ACSL3: variants seen among roughly 807,000 people sequenced by gnomAD.
The protein encoded by ACSL3 is acyl-CoA synthetase long chain family member 3, also known as fatty acid CoA ligase Acsl3.
Under a neutral mutation model 84.7 loss-of-function variants are expected in ACSL3, and 34 were observed. That is an observed-to-expected ratio of 0.40 (90% CI 0.31 to 0.53). The LOEUF (loss-of-function observed/expected upper bound fraction) is 0.53, where lower values mean the gene tolerates loss of function less well. ACSL3 is among the 20% of genes least tolerant of loss of function. The probability of loss-of-function intolerance (pLI) is 0.48; values close to 1 mark genes in which losing one functional copy is unlikely to be tolerated. For missense variants in ACSL3, 680 were observed against 873.1 expected (o/e 0.78, Z 2.79); for synonymous variants, 315 against 299.4 (o/e 1.05, Z -0.54).
At chr2:222,861,356 G>A (rs1559270735) in intron 1 of ACSL3, 98 bp downstream of exon 1, 2 of 151,644 alleles carry the variant, frequency 1.3e-5, no homozygotes, top group Non-Finnish European at 2.9e-5. Flanking sequence ...CAGCCTCGGG[G>A]CCTGGGACCC....
At chr2:222,868,980 A>ATT (rs918524383) in intron 1 of ACSL3, among the ~76,000 whole-genome samples, 8 of 152,128 alleles carry the variant, frequency 5.3e-5, no homozygotes, top group African/African-American at 1.9e-4. Flanking sequence ...AAAAAAAAAA[A>ATT]AAAAATTAGG....
chr2:222,908,852 A>G lies in ACSL3; in HGVS notation c.80A>G (p.His27Arg), dbSNP rs762854435. 2.5e-6 allele frequency: 4 copies of G among 1,604,528 alleles called. No homozygotes were observed. The highest frequency in any genetic ancestry group is 3.4e-5 in the Admixed American group (2 of 59,240). The change falls in exon 4 of 17, where the codon CAT becomes CGT. Residue 27 changes from histidine to arginine, a missense_variant. Physicochemically the swap from His to Arg is conservative, Grantham distance 29 (BLOSUM62 0). Coordinates refer to ENST00000357430, the MANE Select transcript of ACSL3 (RefSeq NM_004457.5). ...TINPILLYFI[H>R]FLISLYTILT... ...AACCCTATTCTTTTATATTTTATACATTTTCTAATATCACTTTATACTATT... is the reference window on the plus strand; with the variant it reads ...AACCCTATTCTTTTATATTTTATACGTTTTCTAATATCACTTTATACTATT...
intron 1 of ACSL3, among the ~76,000 whole-genome samples, chr2:222,878,558 T>C (rs1037257014): frequency 5.3e-5 from 8 of 152,210 alleles, no homozygotes; most frequent in African/African-American, 1.2e-4. Context: ...CTTAATCCTT[T>C]ATCCTACAAT....
At chr2:222,874,432 T>C (rs1253047337) in intron 1 of ACSL3, among the ~76,000 whole-genome samples, 1 of 152,222 alleles carries the variant, frequency 6.6e-6, no homozygotes, top group African/African-American at 2.4e-5. Flanking sequence ...GGCTAACGTC[T>C]ATAATCCCAG....
chr2:222,937,173 C>T (rs1306267428), intron 16 of ACSL3, among the ~76,000 whole-genome samples: 1 of 143,676 alleles, frequency 7.0e-6, no homozygotes, highest in Non-Finnish European at 1.5e-5. Context: ...TAAGTATTTC[C>T]TCCTTTTTGA....
chr2:222,910,757 G>C (rs1347379884), intron 4 of ACSL3, among the ~76,000 whole-genome samples: 1 of 152,172 alleles, frequency 6.6e-6, no homozygotes, highest in African/African-American at 2.4e-5. Context: ...ATTTATACTT[G>C]TTGCTGTGAC....
chr2:222,893,095 A>G (rs1695882378), intron 2 of ACSL3, among the ~76,000 whole-genome samples: 1 of 152,168 alleles, frequency 6.6e-6, no homozygotes. Context: ...CTGAAAGAAA[A>G]ATACAGAGGA....
chr2:222,922,886 C>T, intron 9 of ACSL3, 55 bp downstream of exon 9: 1 of 1,604,030 alleles, frequency 6.2e-7, no homozygotes. Flanking sequence ...AATTGTAATG[C>T]ATTTTTTTCA....
chr2:222,882,380 T>A (rs1695611407), intron 1 of ACSL3, among the ~76,000 whole-genome samples: 1 of 152,188 alleles, frequency 6.6e-6, no homozygotes, highest in African/African-American at 2.4e-5. Context: ...CCATTATGAT[T>A]CTTACTTCTT....
chr2:222,867,180 C>G (rs1384570400), intron 1 of ACSL3, among the ~76,000 whole-genome samples: 1 of 152,086 alleles, frequency 6.6e-6, no homozygotes, highest in Non-Finnish European at 1.5e-5. Context: ...GATGCTTTCC[C>G]CTTTAACCTT....
intron 16 of ACSL3, 146 bp downstream of exon 16, chr2:222,934,833 T>TC: frequency 2.6e-6 from 2 of 783,246 alleles, no homozygotes; most frequent in Admixed American, 3.9e-5. Context: ...AACTTATCAG[T>TC]CCCCCATTCA....
At chr2:222,927,243 G>C (rs1269231688) in intron 12 of ACSL3, 54 bp downstream of exon 12, 6 of 1,579,490 alleles carry the variant, frequency 3.8e-6, no homozygotes, top group Non-Finnish European at 5.2e-6. Context: ...TTTTTTTGGG[G>C]TATGGGATAT....
At chr2:222,916,289 C>T (rs1574552090) in intron 4 of ACSL3, 30 bp from the exon 5 acceptor site, 3 of 1,384,216 alleles carry the variant, frequency 2.2e-6, no homozygotes, top group African/African-American at 1.5e-5. Flanking sequence ...ATTTTGATTA[C>T]ATTAAAAAAA....
intron 16 of ACSL3, among the ~76,000 whole-genome samples, chr2:222,937,686 C>T (rs1038237703): frequency 6.6e-6 from 1 of 151,998 alleles, no homozygotes; most frequent in Non-Finnish European, 1.5e-5. Context: ...TACGCATGCC[C>T]TTGGATCTAA....
At chr2:222,929,313 T>C (rs1414945918) in intron 13 of ACSL3, among the ~76,000 whole-genome samples, 1 of 146,628 alleles carries the variant, frequency 6.8e-6, no homozygotes, top group Non-Finnish European at 1.5e-5. Flanking sequence ...TCTTTTTTTT[T>C]CTGAGGGCTT....
At chr2:222,922,900 A>G (rs1483297393) in intron 9 of ACSL3, 69 bp downstream of exon 9, 2 of 1,585,652 alleles carry the variant, frequency 1.3e-6, no homozygotes, top group African/African-American at 1.4e-5. Flanking sequence ...TTTTTCAGTC[A>G]GTATGACAGT....
At chr2:222,892,861 C>G (rs1046576349) in intron 2 of ACSL3, among the ~76,000 whole-genome samples, 2 of 152,142 alleles carry the variant, frequency 1.3e-5, no homozygotes, top group African/African-American at 4.8e-5. Context: ...AAGTTCCCTT[C>G]ACTGTGCTTG....
chr2:222,929,137 T>C (rs1434096881), intron 13 of ACSL3, among the ~76,000 whole-genome samples: 2 of 152,222 alleles, frequency 1.3e-5, no homozygotes, highest in African/African-American at 4.8e-5. Context: ...ATTATTGTTT[T>C]CATTTTACTT....
intron 2 of ACSL3, among the ~76,000 whole-genome samples, chr2:222,898,835 AAAAC>A (rs1306991075): frequency 7.9e-5 from 12 of 152,326 alleles, no homozygotes; most frequent in African/African-American, 2.6e-4. Context: ...TCAAAAAACA[AAAAC>A]AAACAAACGA....
Sources: gnomAD v4.1 joint callset for allele counts (sites outside exome capture counted in the v4.1 genomes callset) on GRCh38, gnomAD v4.1.1 for gene constraint, MANE v1.5 for transcripts, NCBI Gene and HGNC (gene_info 2026-07-23, HGNC 2026-07-21) for gene names.